Variants in GCA observed in about 807,000 individuals in gnomAD.
The protein encoded by GCA is grancalcin, EF-hand calcium-binding protein.
In GCA, 30 loss-of-function variants were observed where a neutral mutation model predicts 32.6. The observed-to-expected ratio is 0.92, with a 90% CI of 0.69 to 1.25. The LOEUF (loss-of-function observed/expected upper bound fraction) is 1.25, where lower values mean the gene tolerates loss of function less well. Among genes scored for constraint, GCA ranks in the 50% most tolerant of loss-of-function variants. The pLI, the probability that GCA is intolerant of heterozygous loss-of-function variation, is 0.00. For missense variants in GCA, 291 were observed against 266.8 expected (o/e 1.09, Z -0.63); for synonymous variants, 102 against 84.6 (o/e 1.21, Z -1.13).
rs1380154445 is a variant in GCA at position 162,347,450 on chromosome 2, TGATAA to T, written c.28-124_28-120del. Reference sequence around the variant, plus strand: ...TAACATTTTGTAGTTAAAATTTTTGTGATAAGATTATAAGCTTTTGGTAACTGTTT... The same window carrying T: ...TAACATTTTGTAGTTAAAATTTTTGTGATTATAAGCTTTTGGTAACTGTTT... On this transcript the variant is annotated intron_variant, in intron 1 of 7. Transcript: ENST00000437150. 6 of 497,216 alleles carry T rather than the reference TGATAA, an allele frequency of 1.2e-5. No individual in the cohort carries two copies. The Admixed American group carries it at 1.5e-4, about 13-fold the overall frequency. 30.8% of individuals were successfully genotyped at this position (497,216 alleles called of 1,614,324 possible).
Position 162,362,139 on chromosome 2 carries a change from C to A in GCA, c.*1896C>A. 1 of 984,478 alleles carries A rather than the reference C, an allele frequency of 1.0e-6. No individual in the cohort carries two copies. Among genetic ancestry groups the A allele is most frequent in the Non-Finnish European group, 1.2e-6 (1 of 829,326 alleles). 61.0% of individuals were successfully genotyped at this position (984,478 alleles called of 1,614,324 possible). A position where few individuals can be genotyped will look rare whatever the true frequency, so the allele number is the denominator to read the frequency against. On this transcript the variant is annotated 3_prime_UTR_variant, in exon 8 of 8. Transcript: ENST00000437150. Reference sequence around the variant, plus strand: ...TTCCATGGCCAAACATATTTAGAAACTCTCACTTTCTAAAGCTTGACAAGG... The same window carrying A: ...TTCCATGGCCAAACATATTTAGAAAATCTCACTTTCTAAAGCTTGACAAGG...
In GCA at chr2:162,347,684, A is replaced by T; in HGVS notation, c.134A>T (p.Asp45Val). 1.2e-6 allele frequency: 2 copies of T among 1,608,992 alleles called. No individual in the cohort carries two copies. Among genetic ancestry groups the T allele is most frequent in the Non-Finnish European group, 1.7e-6 (2 of 1,176,712 alleles). ...LDGYSGPAYS[D>V]TYSSAGDSVY... Reference sequence around the variant, plus strand: ...GGATACTCTGGGCCAGCATATTCAGACACTTATTCCTCAGCTGGTGACTCC... The same window carrying T: ...GGATACTCTGGGCCAGCATATTCAGTCACTTATTCCTCAGCTGGTGACTCC... Residue 45 changes from aspartate (D) to valine (V), a missense_variant, in exon 2 of 8, where the codon GAC becomes GTC. Asp to Val is a radical substitution (Grantham distance 152). Transcript: ENST00000437150.
At position 162,356,827 on chromosome 2, in the gene GCA, GA is replaced by G. The variant is rs1558901673; in HGVS notation, c.380del (p.Asn127ThrfsTer3). 6.2e-7 allele frequency: 1 copy of G among 1,610,254 alleles called. No individual in the cohort carries two copies. The highest frequency in any genetic ancestry group is 8.5e-7 in the Non-Finnish European group (1 of 1,177,116). ...ATGGGCAGCTCTTAATGCCTGGAAG[GA>G]AAACTTCATGACTGTTGATCAAGAT... is the stretch of plus-strand genomic sequence containing the variant. Reference protein sequence around the residue: ...ELWAALNAWKENFMTVDQDGS... With the variant: ...ELWAALNAWKXNFMTVDQDGS... On this transcript the variant is annotated frameshift_variant, in exon 5 of 8. Coordinates refer to ENST00000437150, the MANE Select transcript of GCA (RefSeq NM_012198.5). LOFTEE classifies it high-confidence loss of function.
At chr2:162,365,774 T>TAAA (rs1468649526), downstream of GCA, among the ~76,000 whole-genome samples, 1 of 151,630 alleles carries the variant, frequency 6.6e-6, no homozygotes, top group Non-Finnish European at 1.5e-5. Flanking sequence ...GGCTAGGAGA[T>TAAA]AAAAACTAGA....
At chr2:162,325,882 G>A (rs554635569) in intron 1 of GCA, among the ~76,000 whole-genome samples, 9 of 151,870 alleles carry the variant, frequency 5.9e-5, no homozygotes, top group East Asian at 1.9e-4. Context: ...CTTCATTTGC[G>A]TTAAGTCCTG....
intron 1 of GCA, among the ~76,000 whole-genome samples, chr2:162,320,484 TG>T (rs1388214619): frequency 3.3e-5 from 5 of 152,220 alleles, no homozygotes; most frequent in African/African-American, 1.2e-4. Flanking sequence ...TTCTGTTTCT[TG>T]GTTTCAAACA....
At chr2:162,363,356 G>A (rs1685655202), downstream of GCA, among the ~76,000 whole-genome samples, 1 of 151,036 alleles carries the variant, frequency 6.6e-6, no homozygotes, top group Non-Finnish European at 1.5e-5. Context: ...CCAATTTTTG[G>A]GTTGCAATTC....
chr2:162,370,765 A>C (rs77016570), intron 4 of GCA, among the ~76,000 whole-genome samples: 1 of 151,918 alleles, frequency 6.6e-6, no homozygotes, highest in African/African-American at 2.4e-5. Flanking sequence ...TGTGTCGACT[A>C]TTTTTTATTT....
At chr2:162,319,229 G>C (rs879472153) in intron 1 of GCA, 15 of 456,638 alleles carry the variant, frequency 3.3e-5, no homozygotes, top group Admixed American at 9.4e-5. Context: ...TTTGGAGGTG[G>C]GTTCGAAAAA....
chr2:162,352,249 G>T, intron 2 of GCA, 89 bp from the exon 3 acceptor site: 1 of 761,684 alleles, frequency 1.3e-6, no homozygotes, highest in South Asian at 1.5e-5. Flanking sequence ...GAATGCATAT[G>T]TCTTGATTGG....
chr2:162,331,024 C>T (rs1396118540), intron 1 of GCA, among the ~76,000 whole-genome samples: 1 of 152,148 alleles, frequency 6.6e-6, no homozygotes, highest in Non-Finnish European at 1.5e-5. Context: ...TGACTCATAC[C>T]TGAACAAAGC....
chr2:162,359,424 C>CTAAATATT (rs1685459546), intron 6 of GCA, 70 bp from the exon 7 acceptor site: 1 of 686,012 alleles, frequency 1.5e-6, no homozygotes, highest in Non-Finnish European at 2.5e-6. Context: ...TTTTTGTGTA[C>CTAAATATT]CTGGGTGCAC....
downstream of GCA, chr2:162,373,630 G>A: frequency 6.5e-7 from 1 of 1,547,682 alleles, no homozygotes; most frequent in Non-Finnish European, 8.7e-7. Context: ...CTGTAAGATG[G>A]TCTGGATGTC....
At chr2:162,352,935 T>G (rs1423359603) in intron 3 of GCA, among the ~76,000 whole-genome samples, 4 of 152,156 alleles carry the variant, frequency 2.6e-5, no homozygotes, top group Non-Finnish European at 5.9e-5. Flanking sequence ...TACTTTTCCT[T>G]TTTATATAAT....
intron 1 of GCA, chr2:162,319,251 T>A (rs946651004): frequency 2.2e-6 from 1 of 457,012 alleles, no homozygotes; most frequent in Admixed American, 2.3e-5. Context: ...TGAGTAACAA[T>A]AAACAGTTAA....
intron 1 of GCA, among the ~76,000 whole-genome samples, chr2:162,319,723 A>G (rs999342635): frequency 1.3e-5 from 2 of 152,228 alleles, no homozygotes; most frequent in Admixed American, 6.5e-5. Context: ...TGTGGGTGGT[A>G]GGCACATACG....
intron 1 of GCA, among the ~76,000 whole-genome samples, chr2:162,324,724 C>T (rs1049288126): frequency 6.6e-6 from 1 of 152,130 alleles, no homozygotes; most frequent in Non-Finnish European, 1.5e-5. Flanking sequence ...CAGCACTTCC[C>T]TTTCCCCTTT....
chr2:162,362,238 AC>A lies in GCA; in HGVS notation c.*1996del, dbSNP rs903467093. 2.0e-6 allele frequency: 2 copies of A among 984,390 alleles called. No homozygotes were observed. Among genetic ancestry groups the A allele is most frequent in the African/African-American group, 3.5e-5 (2 of 57,070 alleles). The allele number at this position is 984,390 out of a possible 1,614,324, so 61.0% of individuals were successfully genotyped here. On this transcript the variant is annotated 3_prime_UTR_variant, in exon 8 of 8. Coordinates refer to ENST00000437150, the MANE Select transcript of GCA (RefSeq NM_012198.5). The stretch of plus-strand genomic sequence containing the variant: ...TTTTATTTGACCCAGTTTTTTCCAA[AC>A]TTTTTGACCACAGAACCCCTTTCTC...
At chr2:162,320,801 G>A (rs1414777974) in intron 1 of GCA, among the ~76,000 whole-genome samples, 1 of 152,208 alleles carries the variant, frequency 6.6e-6, no homozygotes, top group Admixed American at 6.5e-5. Context: ...TCTAATGGGA[G>A]TGGGAAGATA....
Sources: gnomAD v4.1 joint callset for allele counts (sites outside exome capture counted in the v4.1 genomes callset) on GRCh38, gnomAD v4.1.1 for gene constraint, MANE v1.5 for transcripts, NCBI Gene and HGNC (gene_info 2026-07-23, HGNC 2026-07-21) for gene names.